NLRC3: variants seen among roughly 807,000 people sequenced by gnomAD.
NLRC3 encodes the protein NLR family CARD domain containing 3.
In NLRC3, 87 loss-of-function variants were observed where a neutral mutation model predicts 91.6. The observed-to-expected ratio is 0.95, with a 90% CI of 0.80 to 1.14. NLRC3 has a LOEUF of 1.14. Among genes scored for constraint, NLRC3 ranks in the 50% most tolerant of loss-of-function variants. The pLI, the probability that NLRC3 is intolerant of heterozygous loss-of-function variation, is 0.00. For missense variants in NLRC3, 1,577 were observed against 1,418.6 expected (o/e 1.11, Z -1.79); for synonymous variants, 694 against 625.3 (o/e 1.11, Z -1.64).
rs1485315598 is a variant in NLRC3 at position 3,541,088 on chromosome 16, C to G, written c.*737G>C. ...GGCATGGTGGCGGGTGCCTGTATTCCCAGCTACTGGGGAGGCTGAGGCAGG... is the reference window on the plus strand; with the variant it reads ...GGCATGGTGGCGGGTGCCTGTATTCGCAGCTACTGGGGAGGCTGAGGCAGG... On this transcript the variant is annotated 3_prime_UTR_variant, in exon 20 of 20. Transcript: ENST00000359128. The G allele has an allele frequency of 1.3e-5, 2 of 152,114 alleles. No homozygotes were observed. The highest frequency in any genetic ancestry group is 2.9e-5 in the Non-Finnish European group (2 of 68,082). The allele number at this position is 152,114 out of a possible 1,614,324, so 9.4% of individuals were successfully genotyped here.
chr16:3,571,384 A>C (rs1338113204), intron 1 of NLRC3, among the ~76,000 whole-genome samples: 2 of 74,134 alleles, frequency 2.7e-5, no homozygotes, highest in South Asian at 5.1e-4. Flanking sequence ...CCATCTCTAC[A>C]AAAAAAAAAA....
chr16:3,550,256 G>T (rs962040571), intron 11 of NLRC3, among the ~76,000 whole-genome samples, 158 bp downstream of exon 11: 17 of 152,234 alleles, frequency 1.1e-4, no homozygotes. Context: ...CTAGGGAAAT[G>T]GAGCTGGTGG....
chr16:3,550,525 A>C, intron 10 of NLRC3, 28 bp from the exon 11 acceptor site: 1 of 1,520,044 alleles, frequency 6.6e-7, no homozygotes, highest in Middle Eastern at 1.7e-4. Flanking sequence ...TGGATGAGCC[A>C]GCCTCTGGGA....
chr16:3,572,935 C>G (rs1013797566), intron 1 of NLRC3, among the ~76,000 whole-genome samples: 3 of 150,816 alleles, frequency 2.0e-5, no homozygotes, highest in Non-Finnish European at 4.4e-5. Context: ...TTGCTTGAAC[C>G]CAGGAGGTGG....
chr16:3,562,722 A>G (rs2039665368), intron 5 of NLRC3, among the ~76,000 whole-genome samples: 1 of 152,160 alleles, frequency 6.6e-6, no homozygotes, highest in South Asian at 2.1e-4. Flanking sequence ...GAAGTAACGC[A>G]GCCTTAAGCC....
chr16:3,542,855 C>T, intron 17 of NLRC3, 80 bp from the exon 18 acceptor site: 1 of 940,436 alleles, frequency 1.1e-6, no homozygotes. Flanking sequence ...GGGCTTGGGG[C>T]TGCTTGGTAG....
intron 1 of NLRC3, among the ~76,000 whole-genome samples, chr16:3,573,946 G>A (rs2040190233): frequency 7.0e-6 from 1 of 143,444 alleles, no homozygotes; most frequent in Admixed American, 7.0e-5. Context: ...AGCCTCCCAA[G>A]TAGCTGGGAT....
At position 3,549,718 on chromosome 16, in the gene NLRC3, T is replaced by C. The variant is rs2038895962; in HGVS notation, c.2498A>G (p.Asn833Ser). 1 of 1,551,108 alleles carries C rather than the reference T, an allele frequency of 6.4e-7. No homozygotes were observed. The highest frequency in any genetic ancestry group is 8.7e-7 in the Non-Finnish European group (1 of 1,146,798). ...VAALMGALCT[N>S]QTLLSLSLRE... ...TTACCTGAGGCTGAGGAGGGTCTGG[T>C]TGGTGCAGAGGGCCCCCATCAGTGC... is the stretch of plus-strand genomic sequence containing the variant. The change falls in exon 12 of 20, where the codon AAC becomes AGC. Residue 833 changes from asparagine (N) to serine (S), a missense_variant. Asn to Ser is a conservative substitution (Grantham distance 46, BLOSUM62 1). Coordinates refer to ENST00000359128, the MANE Select transcript of NLRC3 (RefSeq NM_178844.4).
At chr16:3,573,956 T>C (rs2040190576) in intron 1 of NLRC3, among the ~76,000 whole-genome samples, 1 of 149,928 alleles carries the variant, frequency 6.7e-6, no homozygotes. Flanking sequence ...GTAGCTGGGA[T>C]TACAGGTACA....
Position 3,541,901 on chromosome 16 carries a change from TGGTTTCCCTGGAGACTAGAAGAGTAG to T in NLRC3, c.3108-12_3121del. 1.2e-6 allele frequency: 2 copies of T among 1,608,458 alleles called. No homozygotes were observed. Among genetic ancestry groups the T allele is most frequent in the Non-Finnish European group, 1.7e-6 (2 of 1,175,946 alleles). On this transcript the variant is annotated splice_acceptor_variant and splice_polypyrimidine_tract_variant and coding_sequence_variant and intron_variant, in exon 20 of 20. Coordinates refer to ENST00000359128, the MANE Select transcript of NLRC3 (RefSeq NM_178844.4). LOFTEE classifies it high-confidence loss of function. Reference sequence around the variant, plus strand: ...CATCCTGGCCCCGGAGTCCCCAATGTGGTTTCCCTGGAGACTAGAAGAGTAGGGTTAAGGCAGGGCTCAAAGCCTGC... The same window carrying T: ...CATCCTGGCCCCGGAGTCCCCAATGTGGTTAAGGCAGGGCTCAAAGCCTGC...
At chr16:3,556,813 C>CA in intron 8 of NLRC3, 98 bp downstream of exon 8, 1 of 803,874 alleles carries the variant, frequency 1.2e-6, no homozygotes, top group Non-Finnish European at 2.1e-6. Flanking sequence ...CCATGCCTGC[C>CA]ATTGTGAATC....
intron 6 of NLRC3, 112 bp downstream of exon 6, chr16:3,561,590 A>T: frequency 1.4e-6 from 1 of 711,662 alleles, no homozygotes; most frequent in Non-Finnish European, 2.5e-6. Flanking sequence ...CATGCTCCAA[A>T]GACACTTCTC....
chr16:3,568,944 T>C (rs1308239901), intron 1 of NLRC3, among the ~76,000 whole-genome samples: 1 of 152,244 alleles, frequency 6.6e-6, no homozygotes, highest in Non-Finnish European at 1.5e-5. Flanking sequence ...TTTATTTTAT[T>C]GCATGTCTCA....
chr16:3,543,031 G>A (rs556762687), intron 17 of NLRC3: 192 of 530,442 alleles, frequency 3.6e-4, no homozygotes, highest in African/African-American at 2.5e-3. Flanking sequence ...ACAGAAAAGC[G>A]GGGCTGAGAC....
chr16:3,560,751 C>T (rs2039570804), intron 6 of NLRC3, among the ~76,000 whole-genome samples: 2 of 151,976 alleles, frequency 1.3e-5, no homozygotes, highest in Admixed American at 1.3e-4. Flanking sequence ...CCTCTGCCTC[C>T]TGGGTTCACG....
chr16:3,560,364 A>G (rs1033524424), intron 6 of NLRC3, among the ~76,000 whole-genome samples: 3 of 152,040 alleles, frequency 2.0e-5, no homozygotes, highest in Non-Finnish European at 4.4e-5. Flanking sequence ...CGGAGTCTGC[A>G]GTGAGCCAAG....
chr16:3,572,172 T>C (rs1017957350), intron 1 of NLRC3, among the ~76,000 whole-genome samples: 2 of 151,990 alleles, frequency 1.3e-5, no homozygotes, highest in South Asian at 4.2e-4. Context: ...GACCAAGATA[T>C]TGAAAAGATG....
rs756865929 is a variant in NLRC3, at chr16:3,563,101, G to A, written c.1836C>T (p.Asp612=). Residue 612 remains aspartate, a synonymous_variant, in exon 5 of 20, where the codon GAC becomes GAT. Coordinates refer to ENST00000359128, the MANE Select transcript of NLRC3 (RefSeq NM_178844.4). ...AALAYLLQVS[D]ACAQEANLSL... is the part of the protein sequence containing the mutation. ...ACAGGTTGGCCTCCTGGGCACAGGC[G>A]TCGGACACCTGCAGGAGGTAGGCCA... The A allele has an allele frequency of 1.2e-5, 19 of 1,576,554 alleles. No homozygotes were observed. The highest frequency in any genetic ancestry group is 1.6e-5 in the Non-Finnish European group (19 of 1,162,048).
chr16:3,561,847 C>G, intron 5 of NLRC3, 59 bp from the exon 6 acceptor site: 14 of 1,285,964 alleles, frequency 1.1e-5, no homozygotes, highest in Non-Finnish European at 1.6e-5. Context: ...GGGTGGGGGC[C>G]CTGGCCCGGG....
Sources: allele counts gnomAD v4.1 joint callset (sites outside exome capture counted in the v4.1 genomes callset), GRCh38; gene constraint gnomAD v4.1.1; transcripts MANE v1.5; gene names NCBI Gene and HGNC (gene_info 2026-07-23, HGNC 2026-07-21).